CSPP1: variants seen among roughly 807,000 people sequenced by gnomAD.
CSPP1 encodes the protein centrosome and spindle pole associated protein 1, also known as centrosome and spindle pole-associated protein 1.
Under a neutral mutation model 164.4 loss-of-function variants are expected in CSPP1, and 126 were observed. That is an observed-to-expected ratio of 0.77 (90% CI 0.66 to 0.89). CSPP1 has a LOEUF of 0.89. Among genes scored for constraint, CSPP1 ranks in the 40% least tolerant of loss-of-function variants. CSPP1 has a pLI of 0.00. For missense variants in CSPP1, 1,395 were observed against 1,449.8 expected, an observed-to-expected ratio of 0.96 and a Z score of 0.61; for synonymous variants, 472 against 476.7, an observed-to-expected ratio of 0.99 and a Z score of 0.13.
Position 67,161,874 on chromosome 8 carries a change from AG to A in CSPP1, c.2603del (p.Arg868AsnfsTer42). ...GAACAAAATTGCAAGCAAACTCCAAAGACCTCCTTCAGTTGACAGCATCATA... is the reference window on the plus strand; with the variant it reads ...GAACAAAATTGCAAGCAAACTCCAAAACCTCCTTCAGTTGACAGCATCATA... ...LQNKIASKLQ[R>X]PPSVDSIIRS... is the part of the protein sequence containing the mutation. On this transcript the variant is annotated frameshift_variant, in exon 22 of 31. Coordinates refer to ENST00000678616, the MANE Select transcript of CSPP1 (RefSeq NM_001382391.1). LOFTEE classifies it high-confidence loss of function. 6.2e-7 allele frequency: 1 copy of A among 1,613,558 alleles called. No individual in the cohort carries two copies.
rs569067306 is a variant in CSPP1 at position 67,090,446 on chromosome 8, C to T, written c.304-1357C>T. 4.6e-5 allele frequency among the ~76,000 whole-genome samples: 7 copies of T among 152,082 alleles called. No individual in the cohort carries two copies. The East Asian group carries it at 7.7e-4, about 17-fold the overall frequency. On this transcript the variant is annotated intron_variant, in intron 4 of 30. Transcript: ENST00000678616. The stretch of plus-strand genomic sequence containing the variant: ...GACTACAGGTGCGCGGCCCCAAGCC[C>T]GGCTAATTTTTTGTGTTTTTAGTAG...
At chr8:67,186,916 A>G (rs1455637088) in intron 28 of CSPP1, among the ~76,000 whole-genome samples, 2 of 152,188 alleles carry the variant, frequency 1.3e-5, no homozygotes, top group African/African-American at 2.4e-5. Context: ...TAAAAACACA[A>G]TACCACTTAC....
At chr8:67,116,548 C>CT (rs1471831590) in intron 13 of CSPP1, among the ~76,000 whole-genome samples, 2 of 152,028 alleles carry the variant, frequency 1.3e-5, no homozygotes, top group Non-Finnish European at 1.5e-5. Flanking sequence ...GCTTCTGTTT[C>CT]TTCAGCTCAT....
chr8:67,195,378 G>A lies in CSPP1; in HGVS notation c.3470-4G>A, dbSNP rs142626075. On this transcript the variant is annotated splice_region_variant and splice_polypyrimidine_tract_variant and intron_variant, in intron 30 of 30. Transcript: ENST00000678616. ...CTGAGCCACGTGTCCCTTGCCTCCTGTAGATGATGAGAGTTCACTGGTTGA... is the reference window on the plus strand; with the variant it reads ...CTGAGCCACGTGTCCCTTGCCTCCTATAGATGATGAGAGTTCACTGGTTGA... The A allele has an allele frequency of 6.2e-6, 10 of 1,611,278 alleles. No individual in the cohort carries two copies. The highest frequency in any genetic ancestry group is 5.0e-5 in the Admixed American group (3 of 60,020).
At chr8:67,096,281 AT>A (rs1812737390) in intron 7 of CSPP1, among the ~76,000 whole-genome samples, 2 of 152,246 alleles carry the variant, frequency 1.3e-5, no homozygotes, top group South Asian at 4.1e-4. Flanking sequence ...CAATATTAAA[AT>A]GTGGCCAGGC....
At chr8:67,074,901 C>T in intron 2 of CSPP1, 1 of 180,832 alleles carries the variant, frequency 5.5e-6, no homozygotes, top group Non-Finnish European at 1.2e-5. Flanking sequence ...CTGCCTCAGC[C>T]TCATGAGTAG....
At chr8:67,152,685 C>G (rs569583634) in intron 18 of CSPP1, among the ~76,000 whole-genome samples, 4 of 152,302 alleles carry the variant, frequency 2.6e-5, no homozygotes, top group African/African-American at 7.2e-5. Context: ...TTTTCCACCA[C>G]AGCATAAAAT....
chr8:67,090,736 A>G (rs1353631300), intron 4 of CSPP1, among the ~76,000 whole-genome samples: 2 of 152,244 alleles, frequency 1.3e-5, no homozygotes, highest in Non-Finnish European at 2.9e-5. Context: ...CCTTGAATAT[A>G]GGGAAAATAT....
chr8:67,168,354 G>A (rs1480213285), intron 24 of CSPP1, among the ~76,000 whole-genome samples: 6 of 151,448 alleles, frequency 4.0e-5, no homozygotes, highest in African/African-American at 1.2e-4. Context: ...GAGGGAGAGG[G>A]AGACCTAACG....
Position 67,100,366 on chromosome 8 carries a change from A to G in CSPP1, c.924-2671A>G, listed in dbSNP as rs964874868. 2.0e-5 allele frequency among the ~76,000 whole-genome samples: 3 copies of G among 152,226 alleles called. No homozygotes were observed. In the South Asian group the frequency reaches 6.2e-4, roughly 32 times the overall value. ...ATATACACTGAAGAGACTGTAAAAG[A>G]TTTTTTAGTGTGGATACCTTGGGTG... On this transcript the variant is annotated intron_variant, in intron 7 of 30. Coordinates refer to ENST00000678616, the MANE Select transcript of CSPP1 (RefSeq NM_001382391.1).
intron 4 of CSPP1, among the ~76,000 whole-genome samples, chr8:67,088,327 G>A (rs189810257): frequency 1.0e-3 from 155 of 151,516 alleles, no homozygotes; most frequent in African/African-American, 3.6e-3. Flanking sequence ...TTGCTCTGTC[G>A]CCCAGGCTGG....
chr8:67,130,559 T>C (rs548056408), intron 15 of CSPP1, among the ~76,000 whole-genome samples: 14 of 152,234 alleles, frequency 9.2e-5, no homozygotes, highest in South Asian at 2.1e-4. Context: ...CCACTCATAA[T>C]CCAATGTGAC....
chr8:67,093,501 T>G, intron 5 of CSPP1, 42 bp from the exon 6 acceptor site: 1 of 1,302,510 alleles, frequency 7.7e-7, no homozygotes, highest in Non-Finnish European at 1.1e-6. Flanking sequence ...TTTTTTTTCC[T>G]GAAGTTGAAT....
At chr8:67,155,204 C>T (rs1826445417) in intron 19 of CSPP1, among the ~76,000 whole-genome samples, 4 of 152,178 alleles carry the variant, frequency 2.6e-5, no homozygotes, top group Non-Finnish European at 5.9e-5. Context: ...ACAGTTTCTT[C>T]TTTCCCTACC....
intron 24 of CSPP1, 96 bp downstream of exon 24, chr8:67,164,604 TCTTA>T: frequency 3.3e-6 from 2 of 597,092 alleles, no homozygotes. Context: ...GACTAATTCA[TCTTA>T]CTTAAAATCT....
intron 17 of CSPP1, among the ~76,000 whole-genome samples, chr8:67,149,115 G>C (rs373458109): frequency 6.6e-6 from 1 of 152,100 alleles, no homozygotes; most frequent in African/African-American, 2.4e-5. Flanking sequence ...GGCTCAGGAG[G>C]CCTTAGTTCC....
At position 67,136,118 on chromosome 8, in the gene CSPP1, A is replaced by G. The variant is rs1185598369; in HGVS notation, c.1828-1338A>G. On this transcript the variant is annotated intron_variant, in intron 16 of 30. Transcript: ENST00000678616. The stretch of plus-strand genomic sequence containing the variant: ...TAACACTAAAGATCAGCAATCACAG[A>G]TCACCATAACAGATATAATAATAAT... 5.3e-5 allele frequency among the ~76,000 whole-genome samples: 8 copies of G among 152,348 alleles called. No individual in the cohort carries two copies. In the South Asian group the frequency reaches 1.7e-3, roughly 32 times the overall value.
chr8:67,091,514 T>A (rs1811603749), intron 4 of CSPP1, among the ~76,000 whole-genome samples: 1 of 152,232 alleles, frequency 6.6e-6, no homozygotes, highest in Non-Finnish European at 1.5e-5. Flanking sequence ...TTGGGAAATT[T>A]TTTTTCATGC....
intron 15 of CSPP1, among the ~76,000 whole-genome samples, chr8:67,128,189 T>C (rs1820475016): frequency 6.6e-6 from 1 of 152,116 alleles, no homozygotes; most frequent in South Asian, 2.1e-4. Flanking sequence ...AAAATAGAAT[T>C]GGGAAATTGT....
Sources: allele counts gnomAD v4.1 joint callset (sites outside exome capture counted in the v4.1 genomes callset), GRCh38; gene constraint gnomAD v4.1.1; transcripts MANE v1.5; gene names NCBI Gene and HGNC (gene_info 2026-07-23, HGNC 2026-07-21).